Variants in HELLS observed in about 807,000 individuals in gnomAD.
The protein encoded by HELLS is lymphoid-specific helicase.
HELLS carries 32 observed loss-of-function variants against 120.0 expected under a neutral mutation model. That is an observed-to-expected ratio of 0.27 (90% CI 0.20 to 0.36). HELLS has a LOEUF of 0.36. HELLS is among the 10% of genes least tolerant of loss of function. HELLS has a pLI of 1.00. For synonymous variants in HELLS, 341 were observed against 323.4 expected (o/e 1.05, Z -0.58); for missense variants, 650 against 993.4 (o/e 0.65, Z 4.65).
At chr10:94,596,449 T>C (rs74150840) in intron 19 of HELLS, among the ~76,000 whole-genome samples, 8,633 of 152,206 alleles carry the variant, frequency 0.057, 361 homozygotes, top group African/African-American at 0.11. Flanking sequence ...GTTGAATATA[T>C]TTTTTCAACA....
In HELLS at chr10:94,593,534, C is replaced by T. The variant is rs1291382738; in HGVS notation, c.2007C>T (p.Ile669=). ...HSFNTDPEVF[I]FLVSTRAGGL... is the part of the protein sequence containing the mutation. ...TCAACACGGATCCAGAGGTGTTTAT[C>T]TTCTTAGTGAGTACACGAGCTGGTG... Residue 669 remains isoleucine, a synonymous_variant, in exon 18 of 22, where the codon ATC becomes ATT. Coordinates refer to ENST00000348459, the MANE Select transcript of HELLS (RefSeq NM_018063.5). 1.2e-6 allele frequency: 2 copies of T among 1,613,552 alleles called. No individual in the cohort carries two copies. The highest frequency in any genetic ancestry group is 1.7e-6 in the Non-Finnish European group (2 of 1,179,516).
At chr10:94,608,630 T>A (rs1023156640) in intron 9 of HELLS, among the ~76,000 whole-genome samples, 2 of 131,228 alleles carry the variant, frequency 1.5e-5, no homozygotes, top group Non-Finnish European at 3.4e-5. Context: ...ATATGGCAGT[T>A]TTTTAGTTTT....
intron 12 of HELLS, among the ~76,000 whole-genome samples, chr10:94,585,301 C>T (rs1214605363): frequency 6.7e-6 from 1 of 148,390 alleles, no homozygotes; most frequent in Non-Finnish European, 1.5e-5. Context: ...GTAAAAATTT[C>T]TGTTTTCCTT....
At chr10:94,585,060 T>C (rs961686686) in intron 12 of HELLS, among the ~76,000 whole-genome samples, 1 of 152,126 alleles carries the variant, frequency 6.6e-6, no homozygotes, top group African/African-American at 2.4e-5. Flanking sequence ...AAGAATTCCT[T>C]TCCTTTTTTT....
chr10:94,556,304 TTTG>T (rs773232692), intron 3 of HELLS, among the ~76,000 whole-genome samples: 5 of 152,052 alleles, frequency 3.3e-5, no homozygotes, highest in Non-Finnish European at 7.4e-5. Context: ...AGAAACTGAG[TTTG>T]TTTTTTTCTC....
At chr10:94,567,727 G>A (rs1003203077) in intron 6 of HELLS, among the ~76,000 whole-genome samples, 1 of 152,070 alleles carries the variant, frequency 6.6e-6, no homozygotes, top group African/African-American at 2.4e-5. Flanking sequence ...GCAACATGGC[G>A]AAATCCTGTC....
In HELLS at chr10:94,596,863, A is replaced by G; in HGVS notation, c.2252A>G (p.His751Arg). The change falls in exon 20 of 22, where the codon CAT (histidine) becomes CGT (arginine). Residue 751 changes from histidine (H) to arginine (R), a missense_variant. His to Arg is a conservative substitution (Grantham distance 29, BLOSUM62 0). Around this residue, in one of 9 missense-constraint regions of HELLS, gnomAD observed 90 missense variants for 109.2 expected, o/e 0.82. Transcript: ENST00000348459. The stretch of plus-strand genomic sequence containing the variant: ...TTTAATTTCTCATTTTTTTTAGATC[A>G]TTTCAAAGGTGGTCAGTCTGGATTA... Reference protein sequence around the residue: ...KLEKLIIHKNHFKGGQSGLNL... With the variant: ...KLEKLIIHKNRFKGGQSGLNL... 3 of 1,415,456 alleles carry G rather than the reference A, an allele frequency of 2.1e-6. No homozygotes were observed. The highest frequency in any genetic ancestry group is 3.0e-6 in the Non-Finnish European group (3 of 1,013,862). 87.7% of individuals were successfully genotyped at this position (1,415,456 alleles called of 1,614,324 possible). A position where few individuals can be genotyped will look rare whatever the true frequency, so the allele number is the denominator to read the frequency against.
chr10:94,557,706 G>A (rs1843336922), intron 3 of HELLS, among the ~76,000 whole-genome samples: 1 of 152,206 alleles, frequency 6.6e-6, no homozygotes, highest in Admixed American at 6.5e-5. Flanking sequence ...GTGCAGCTTT[G>A]TCCTCTCTGG....
At chr10:94,547,517 ATTG>A (rs1287814548) in intron 2 of HELLS, among the ~76,000 whole-genome samples, 3 of 152,226 alleles carry the variant, frequency 2.0e-5, no homozygotes, top group Admixed American at 1.3e-4. Context: ...TTTTGTCAGC[ATTG>A]TTAATACTTC....
Position 94,574,619 on chromosome 10 carries a change from G to T in HELLS, c.771G>T (p.Gln257His), listed in dbSNP as rs1844340404. 1 of 1,612,436 alleles carries T rather than the reference G, an allele frequency of 6.2e-7. No individual in the cohort carries two copies. The highest frequency in any genetic ancestry group is 8.5e-7 in the Non-Finnish European group (1 of 1,178,628). Residue 257 changes from glutamine to histidine, a missense_variant, in exon 9 of 22, where the codon CAG becomes CAT. Gln to His is a conservative substitution (Grantham distance 24, BLOSUM62 0). This residue lies in a region of HELLS where 26 missense variants were observed against 87.3 expected (regional missense o/e 0.30). Transcript: ENST00000348459. ...AAATGGGATTGGGTAAGACAGTTCA[G>T]TGCATTGCTACTATTGCATTGATGA... ...ADEMGLGKTV[Q>H]CIATIALMIQ...
chr10:94,575,890 C>T lies in HELLS; in HGVS notation c.889-772C>T, dbSNP rs189637901. Among the ~76,000 whole-genome samples, 454 of 151,826 alleles carry T rather than the reference C, an allele frequency of 3.0e-3. 2 individuals carry two copies. The highest frequency in any genetic ancestry group is 0.011 in the African/African-American group (436 of 41,386). On this transcript the variant is annotated intron_variant, in intron 9 of 21. Transcript: ENST00000348459. ...TCGGCTCAGTGCAACCTCCGCCTCC[C>T]GGGTTCAAGCGATTCTCCTGTCTCA...
chr10:94,574,981 G>A (rs1050952483), intron 9 of HELLS, among the ~76,000 whole-genome samples: 3 of 151,936 alleles, frequency 2.0e-5, no homozygotes, highest in Non-Finnish European at 4.4e-5. Context: ...AATTTGATTC[G>A]ACTGAGACAG....
At chr10:94,547,492 T>G (rs1034610276) in intron 2 of HELLS, among the ~76,000 whole-genome samples, 1 of 152,208 alleles carries the variant, frequency 6.6e-6, no homozygotes, top group Admixed American at 6.5e-5. Context: ...TTCCCTGTTA[T>G]GTCAACAATA....
At chr10:94,610,442 A>T (rs1292300533) in exon 10 of HELLS, 4 of 152,188 alleles carry the variant, frequency 2.6e-5, no homozygotes, top group Admixed American at 2.0e-4. Context: ...CTTAAAAAAA[A>T]AAAAAGACCT....
At chr10:94,558,538 AAG>A (rs781388442) in intron 4 of HELLS, among the ~76,000 whole-genome samples, 1 of 152,192 alleles carries the variant, frequency 6.6e-6, no homozygotes, top group Non-Finnish European at 1.5e-5. Context: ...TGCTAGTGAA[AAG>A]AGAAATAATT....
chr10:94,599,315 A>G (rs1056017229), intron 21 of HELLS, among the ~76,000 whole-genome samples: 2 of 152,216 alleles, frequency 1.3e-5, no homozygotes, highest in Non-Finnish European at 2.9e-5. Context: ...ACCTAATTAG[A>G]TACCAAAAAC....
chr10:94,587,117 C>G (rs1845204268), intron 12 of HELLS, among the ~76,000 whole-genome samples: 1 of 152,080 alleles, frequency 6.6e-6, no homozygotes, highest in Non-Finnish European at 1.5e-5. Context: ...TTTGTAACCA[C>G]CCCAGCTAAT....
At chr10:94,609,849 C>T (rs775636232) in intron 9 of HELLS, 1 of 152,106 alleles carries the variant, frequency 6.6e-6, no homozygotes, top group Non-Finnish European at 1.5e-5. Context: ...TCTCTTCGTA[C>T]TAGCACTAGG....
intron 6 of HELLS, among the ~76,000 whole-genome samples, chr10:94,563,509 C>T (rs1002766068): frequency 1.3e-5 from 2 of 151,372 alleles, no homozygotes; most frequent in African/African-American, 4.9e-5. Flanking sequence ...TTTTTTGAGG[C>T]AGGGTATCAC....
Sources: gnomAD v4.1 joint callset for allele counts (sites outside exome capture counted in the v4.1 genomes callset) on GRCh38, gnomAD v4.1.1 for gene constraint, gnomAD v4.1.1 regional missense constraint, MANE v1.5 for transcripts, NCBI Gene and HGNC (gene_info 2026-07-23, HGNC 2026-07-21) for gene names.